PHACTR3: variants seen among roughly 807,000 people sequenced by gnomAD.
The protein encoded by PHACTR3 is phosphatase and actin regulator 3.
In PHACTR3, 16 loss-of-function variants were observed where a neutral mutation model predicts 66.8. That is an observed-to-expected ratio of 0.24 (90% confidence interval 0.16 to 0.36). PHACTR3 has a LOEUF of 0.36. PHACTR3 is among the 10% of genes least tolerant of loss of function. The probability of loss-of-function intolerance (pLI) is 1.00; values close to 1 mark genes in which losing one functional copy is unlikely to be tolerated. For missense variants in PHACTR3, 647 were observed against 719.9 expected, an observed-to-expected ratio of 0.90 and a Z score of 1.16; for synonymous variants, 323 against 292.1, an observed-to-expected ratio of 1.11 and a Z score of -1.08.
intron 12 of PHACTR3, among the ~76,000 whole-genome samples, chr20:59,846,390 A>C (rs1600769453): frequency 6.6e-6 from 1 of 152,176 alleles, no homozygotes; most frequent in Non-Finnish European, 1.5e-5. Context: ...TTTGTTTTTT[A>C]AGGTTCCCTC....
chr20:59,612,248 G>A (rs558404329), intron 1 of PHACTR3, among the ~76,000 whole-genome samples: 2 of 152,184 alleles, frequency 1.3e-5, no homozygotes, highest in African/African-American at 2.4e-5. Context: ...AAACTGCAGC[G>A]TCTGCAGGGC....
intron 8 of PHACTR3, among the ~76,000 whole-genome samples, chr20:59,813,987 C>T (rs937867257): frequency 2.6e-5 from 4 of 152,232 alleles, no homozygotes; most frequent in African/African-American, 4.8e-5. Flanking sequence ...CTGTTCTGTT[C>T]GCCTCTTCAG....
intron 8 of PHACTR3, among the ~76,000 whole-genome samples, chr20:59,808,384 C>T (rs1230325187): frequency 6.6e-6 from 1 of 152,226 alleles, no homozygotes. Context: ...TAACGTGTCT[C>T]GTGTGCGGTA....
At chr20:59,612,082 G>A (rs1296857130) in intron 1 of PHACTR3, among the ~76,000 whole-genome samples, 1 of 152,158 alleles carries the variant, frequency 6.6e-6, no homozygotes, top group Non-Finnish European at 1.5e-5. Context: ...GCTTTAGCCA[G>A]GGCAGCATAT....
At chr20:59,611,526 C>G (rs1479041895) in intron 1 of PHACTR3, among the ~76,000 whole-genome samples, 1 of 152,202 alleles carries the variant, frequency 6.6e-6, no homozygotes, top group African/African-American at 2.4e-5. Context: ...CCCTCAGTGA[C>G]GCAGAACAGC....
intron 1 of PHACTR3, among the ~76,000 whole-genome samples, chr20:59,674,462 T>TTCTCCTGTTCCTTCCCCTTCTCCTGTCCC (rs2036322511): frequency 4.4e-5 from 3 of 68,262 alleles, no homozygotes; most frequent in African/African-American, 2.6e-4. Flanking sequence ...TCTCCTGTCC[T>TTCTCCTGTTCCTTCCCCTTCTCCTGTCCC]CTCTTCTCCT....
chr20:59,615,483 T>C (rs571553799), intron 1 of PHACTR3, among the ~76,000 whole-genome samples: 9 of 152,306 alleles, frequency 5.9e-5, no homozygotes, highest in African/African-American at 2.2e-4. Context: ...AGGGCACATA[T>C]GTAATAAGTG....
intron 8 of PHACTR3, among the ~76,000 whole-genome samples, chr20:59,835,148 T>C (rs753529630): frequency 2.0e-5 from 3 of 152,176 alleles, no homozygotes; most frequent in Non-Finnish European, 2.9e-5. Flanking sequence ...AAATATGTCA[T>C]AGTCATCTCC....
intron 1 of PHACTR3, among the ~76,000 whole-genome samples, chr20:59,678,272 T>C (rs1010507304): frequency 6.6e-6 from 1 of 152,214 alleles, no homozygotes; most frequent in African/African-American, 2.4e-5. Flanking sequence ...TGTTATATAA[T>C]GCAGTAGTTT....
intron 1 of PHACTR3, among the ~76,000 whole-genome samples, chr20:59,622,579 C>A (rs1232947082): frequency 1.3e-5 from 2 of 152,122 alleles, no homozygotes; most frequent in South Asian, 2.1e-4. Context: ...AGGAGGCTGC[C>A]GTGTGCCTGC....
chr20:59,588,902 G>A (rs1384033113), intron 1 of PHACTR3, among the ~76,000 whole-genome samples: 2 of 152,260 alleles, frequency 1.3e-5, no homozygotes, highest in African/African-American at 4.8e-5. Flanking sequence ...CGAATGAAGG[G>A]TCTACTTCCC....
At chr20:59,634,264 C>T (rs779310448) in intron 1 of PHACTR3, among the ~76,000 whole-genome samples, 7 of 152,204 alleles carry the variant, frequency 4.6e-5, no homozygotes, top group Non-Finnish European at 8.8e-5. Flanking sequence ...TGAAATCAGG[C>T]GGAGCTGGGT....
intron 1 of PHACTR3, among the ~76,000 whole-genome samples, chr20:59,649,306 G>A (rs1250077099): frequency 6.6e-6 from 1 of 152,182 alleles, no homozygotes; most frequent in Non-Finnish European, 1.5e-5. Flanking sequence ...TTCCAGCCAA[G>A]ATATGTGTAT....
intron 1 of PHACTR3, among the ~76,000 whole-genome samples, chr20:59,690,017 C>T (rs896382869): frequency 6.6e-6 from 1 of 152,206 alleles, no homozygotes; most frequent in Non-Finnish European, 1.5e-5. Context: ...CTTCAAATCT[C>T]ATTATGACAG....
At chr20:59,802,476 T>C (rs557906372) in intron 7 of PHACTR3, among the ~76,000 whole-genome samples, 14 of 152,322 alleles carry the variant, frequency 9.2e-5, no homozygotes, top group African/African-American at 3.1e-4. Flanking sequence ...TGACCGATGG[T>C]GTCCATGCTT....
chr20:59,694,901 G>A (rs375630389), intron 1 of PHACTR3, among the ~76,000 whole-genome samples: 10 of 152,086 alleles, frequency 6.6e-5, no homozygotes, highest in African/African-American at 2.4e-4. Flanking sequence ...ATGATTGCCG[G>A]GTGCTATGCC....
chr20:59,624,296 T>C (rs2034368469), intron 1 of PHACTR3, among the ~76,000 whole-genome samples: 1 of 152,134 alleles, frequency 6.6e-6, no homozygotes, highest in Non-Finnish European at 1.5e-5. Context: ...GCTCCACACC[T>C]GCTCCCTGTT....
Position 59,774,470 on chromosome 20 carries a change from T to C in PHACTR3, c.1154T>C (p.Leu385Pro). 6.2e-7 allele frequency: 1 copy of C among 1,613,798 alleles called. No homozygotes were observed. The highest frequency in any genetic ancestry group is 8.5e-7 in the Non-Finnish European group (1 of 1,179,802). ...CTTTTGTATCAGGACGAGGAGGCGCTGAACGACTCCATTATTTCTGGTGAG... is the reference window on the plus strand; with the variant it reads ...CTTTTGTATCAGGACGAGGAGGCGCCGAACGACTCCATTATTTCTGGTGAG... Reference protein sequence around the residue: ...DLLLYQDEEALNDSIISGTLP... With the variant: ...DLLLYQDEEAPNDSIISGTLP... The change falls in exon 7 of 13, where the codon CTG becomes CCG. Residue 385 changes from leucine to proline, a missense_variant. Around this residue, in one of 2 missense-constraint regions of PHACTR3, gnomAD observed 577 missense variants for 571.1 expected, o/e 1.01. Coordinates refer to ENST00000371015, the MANE Select transcript of PHACTR3 (RefSeq NM_080672.5).
chr20:59,674,790 C>G (rs1248479836), intron 1 of PHACTR3, among the ~76,000 whole-genome samples: 1 of 71,390 alleles, frequency 1.4e-5, no homozygotes, highest in African/African-American at 6.9e-5. Flanking sequence ...CTGTTTCCCC[C>G]CTTCTCCTCT....
Sources: allele counts gnomAD v4.1 joint callset (sites outside exome capture counted in the v4.1 genomes callset), GRCh38; gene constraint gnomAD v4.1.1; regional missense constraint gnomAD v4.1.1; transcripts MANE v1.5; gene names NCBI Gene and HGNC (gene_info 2026-07-23, HGNC 2026-07-21).